The following TRIM14 variants were observed in gnomAD, a reference collection of about 807,000 sequenced individuals.
TRIM14 encodes the protein tripartite motif-containing protein 14.
A neutral mutation model predicts 44.5 loss-of-function variants in TRIM14; 28 were observed. The ratio of observed to expected loss-of-function variants is 0.63; its 90% CI spans 0.47 to 0.86. The LOEUF (loss-of-function observed/expected upper bound fraction) is 0.86, where lower values mean the gene tolerates loss of function less well. TRIM14 is among the 40% of genes least tolerant of loss of function. The pLI, the probability that TRIM14 is intolerant of heterozygous loss-of-function variation, is 0.00. For missense variants in TRIM14, 607 were observed against 611.1 expected (o/e 0.99, Z 0.07); for synonymous variants, 299 against 269.2 (o/e 1.11, Z -1.08).
At chr9:98,057,225 C>T in the TRIM14 span, among the ~76,000 whole-genome samples, 3 of 152,246 alleles carry the variant, frequency 2.0e-5, no homozygotes, top group Non-Finnish European at 4.4e-5. Flanking sequence ...GACCATCCCC[C>T]CTGCCTGGCA....
chr9:98,037,333 G>A, the TRIM14 span, among the ~76,000 whole-genome samples: 5 of 152,174 alleles, frequency 3.3e-5, no homozygotes, highest in Non-Finnish European at 4.4e-5. Flanking sequence ...AGCTGAGATC[G>A]TGCCACTGCA....
chr9:98,109,297 G>C lies in TRIM14; in HGVS notation c.303+592C>G, dbSNP rs188632064. Among the ~76,000 whole-genome samples, 327 of 146,756 alleles carry C rather than the reference G, an allele frequency of 2.2e-3. 2 individuals are homozygous for C. The highest frequency in any genetic ancestry group is 8.4e-3 in the African/African-American group (305 of 36,520). On this transcript the variant is annotated intron_variant, in intron 2 of 5. Transcript: ENST00000341469. Reference sequence around the variant, plus strand: ...GGGGGAGGGAGCAACAGGATGAAAGGGGGAGGGAGCAACGGAGGATGCAAG... The same window carrying C: ...GGGGGAGGGAGCAACAGGATGAAAGCGGGAGGGAGCAACGGAGGATGCAAG...
At chr9:98,080,297 CCAA>C (rs1366280490), downstream of TRIM14, among the ~76,000 whole-genome samples, 5 of 152,218 alleles carry the variant, frequency 3.3e-5, no homozygotes, top group Non-Finnish European at 7.3e-5. Context: ...GTCACCCTCA[CCAA>C]CAAGACTCAC....
At chr9:98,061,134 C>T in the TRIM14 span, 13 of 763,348 alleles carry the variant, frequency 1.7e-5, no homozygotes, top group Non-Finnish European at 2.6e-5. Flanking sequence ...GGCTAGCAGG[C>T]GCCAAAGCCC....
At chr9:98,073,454 T>C (rs1829441267) in intron 6 of TRIM14, among the ~76,000 whole-genome samples, 1 of 151,558 alleles carries the variant, frequency 6.6e-6, no homozygotes, top group Non-Finnish European at 1.5e-5. Context: ...CGGGCTAATT[T>C]TTGTATTTTT....
chr9:98,041,000 G>T, the TRIM14 span, among the ~76,000 whole-genome samples: 1 of 152,036 alleles, frequency 6.6e-6, no homozygotes, highest in South Asian at 2.1e-4. Context: ...TGTTGGCAAG[G>T]CTGGTCTCAA....
At chr9:98,045,422 G>A in the TRIM14 span, among the ~76,000 whole-genome samples, 5 of 152,150 alleles carry the variant, frequency 3.3e-5, no homozygotes, top group Non-Finnish European at 7.3e-5. Flanking sequence ...ACAAACCATG[G>A]CCCACACCTG....
downstream of TRIM14, among the ~76,000 whole-genome samples, chr9:98,065,682 G>A (rs1450712804): frequency 6.6e-6 from 1 of 150,650 alleles, no homozygotes; most frequent in African/African-American, 2.4e-5. Flanking sequence ...TAACGGTTTG[G>A]CTGTGTCTCC....
chr9:98,087,527 C>A lies in TRIM14; in HGVS notation c.1272G>T (p.Pro424=). ...CCCAGAGCCGCAGGGCCGGGTAGAGCGGCTCCTGGAACGTGGCGCGGAAGG... is the reference window on the plus strand; with the variant it reads ...CCCAGAGCCGCAGGGCCGGGTAGAGAGGCTCCTGGAACGTGGCGCGGAAGG... The part of the protein sequence containing the change: ...LHTFRATFQE[P]LYPALRLWEG... The change falls in exon 6 of 6, where the codon CCG becomes CCT. Residue 424 remains proline (P), a synonymous_variant. Coordinates refer to ENST00000341469, the MANE Select transcript of TRIM14 (RefSeq NM_014788.4). 1 of 1,597,350 alleles carries A rather than the reference C, an allele frequency of 6.3e-7. No homozygotes were observed. Among genetic ancestry groups the A allele is most frequent in the East Asian group, 2.3e-5 (1 of 44,334 alleles).
At chr9:98,046,596 C>CA in the TRIM14 span, among the ~76,000 whole-genome samples, 2 of 152,020 alleles carry the variant, frequency 1.3e-5, no homozygotes, top group Non-Finnish European at 2.9e-5. Flanking sequence ...CATGCGCCAC[C>CA]ACACTCGGCT....
the TRIM14 span, among the ~76,000 whole-genome samples, chr9:98,057,909 T>G: frequency 6.8e-6 from 1 of 146,260 alleles, no homozygotes; most frequent in Admixed American, 7.3e-5. Context: ...ACTGTTTTTT[T>G]TTTTTTTTCC....
chr9:98,058,639 G>C, the TRIM14 span, among the ~76,000 whole-genome samples: 11 of 152,222 alleles, frequency 7.2e-5, no homozygotes, highest in Non-Finnish European at 1.3e-4. Context: ...AAACAAAGCT[G>C]TACTGACCAG....
chr9:98,056,693 A>T, the TRIM14 span: 1 of 1,443,590 alleles, frequency 6.9e-7, no homozygotes, highest in South Asian at 1.3e-5. Flanking sequence ...CCGCGGGCTG[A>T]CGTGGCGGGG....
Position 98,087,540 on chromosome 9 carries a change from G to T in TRIM14, c.1259C>A (p.Thr420Lys), listed in dbSNP as rs201617037. 11 of 1,595,856 alleles carry T rather than the reference G, an allele frequency of 6.9e-6. No individual in the cohort carries two copies. The African/African-American group carries it at 1.2e-4, about 17-fold the overall frequency. The change falls in exon 6 of 6, where the codon ACG (threonine) becomes AAG (lysine). Residue 420 changes from threonine to lysine, a missense_variant. Physicochemically the swap from Thr to Lys is moderately conservative, Grantham distance 78. Transcript: ENST00000341469. ...GMSHLHTFRA[T>K]FQEPLYPALR... Reference sequence around the variant, plus strand: ...GGCCGGGTAGAGCGGCTCCTGGAACGTGGCGCGGAAGGTATGCAGGTGGCT... The same window carrying T: ...GGCCGGGTAGAGCGGCTCCTGGAACTTGGCGCGGAAGGTATGCAGGTGGCT...
the TRIM14 span, among the ~76,000 whole-genome samples, chr9:98,053,802 A>AAAATAAATAAATAAATAAATAAATAAAT: frequency 6.8e-6 from 1 of 146,452 alleles, no homozygotes; most frequent in South Asian, 2.2e-4. Flanking sequence ...AGCCCACTAC[A>AAAATAAATAAATAAATAAATAAATAAAT]AAATAAATAA....
chr9:98,078,075 G>A (rs1035129947), intron 6 of TRIM14: 1 of 1,468,660 alleles, frequency 6.8e-7, no homozygotes, highest in African/African-American at 1.4e-5. Flanking sequence ...CTGGCACAGT[G>A]TTTTAAGAGA....
the TRIM14 span, among the ~76,000 whole-genome samples, chr9:98,049,338 CATAAA>C: frequency 2.6e-5 from 1 of 38,558 alleles, no homozygotes; most frequent in African/African-American, 1.6e-4. Flanking sequence ...TGAGACTCTG[CATAAA>C]AAAAAAAAAA....
At chr9:98,072,063 G>C (rs1226286313) in intron 6 of TRIM14, among the ~76,000 whole-genome samples, 1 of 152,212 alleles carries the variant, frequency 6.6e-6, no homozygotes, top group East Asian at 1.9e-4. Flanking sequence ...CTTGGTGTCT[G>C]TGATGGGTGT....
Position 98,112,582 on chromosome 9 carries a change from C to T in TRIM14, c.208-2598G>A, listed in dbSNP as rs7024418. Among the ~76,000 whole-genome samples, 803 of 151,936 alleles carry T rather than the reference C, an allele frequency of 5.3e-3. 6 individuals are homozygous for T. Among genetic ancestry groups the T allele is most frequent in the African/African-American group, 0.018 (766 of 41,408 alleles). ...TTGGGAGGCCGAGGCAGGCAGATCA[C>T]GAAGTCAGGAGTTTGAGACCAGCCT... On this transcript the variant is annotated intron_variant, in intron 1 of 5. Transcript: ENST00000341469.
Sources: allele counts gnomAD v4.1 joint callset (sites outside exome capture counted in the v4.1 genomes callset), GRCh38; gene constraint gnomAD v4.1.1; transcripts MANE v1.5; gene names NCBI Gene and HGNC (gene_info 2026-07-23, HGNC 2026-07-21).